CTNNA2: variants seen among roughly 807,000 people sequenced by gnomAD.
CTNNA2 encodes catenin alpha-2.
A neutral mutation model predicts 101.0 loss-of-function variants in CTNNA2; 42 were observed. That is an observed-to-expected ratio of 0.42 (90% CI 0.32 to 0.54). The LOEUF is 0.54. Ranked by LOEUF, CTNNA2 falls within the 20% of genes least tolerant of loss-of-function variation. The probability of loss-of-function intolerance (pLI) is 0.14; values close to 1 mark genes in which losing one functional copy is unlikely to be tolerated. For synonymous variants in CTNNA2, 450 were observed against 456.4 expected (o/e 0.99, Z 0.18); for missense variants, 871 against 1,223.1 (o/e 0.71, Z 4.29).
At chr2:80,549,388 G>T (rs549000481) in intron 11 of CTNNA2, among the ~76,000 whole-genome samples, 12 of 151,780 alleles carry the variant, frequency 7.9e-5, no homozygotes, top group Admixed American at 7.9e-4. Flanking sequence ...AAAATTCACC[G>T]TGAACTTTAT....
At position 79,771,778 on chromosome 2, in the gene CTNNA2, T is replaced by TA. The variant is rs143754698; in HGVS notation, c.298+27197dup. On this transcript the variant is annotated intron_variant, in intron 3 of 18. Transcript: ENST00000402739. ...GCTGCTTACCTCCTGCTGTGACCAGTACCAGTCCATGGCCTGGGGGTTGGG... is the reference window on the plus strand; with the variant it reads ...GCTGCTTACCTCCTGCTGTGACCAGTAACCAGTCCATGGCCTGGGGGTTGGG... 0.014 allele frequency among the ~76,000 whole-genome samples: 2,060 copies of TA among 152,282 alleles called. 119 individuals are homozygous for TA. In the East Asian group the frequency reaches 0.17, roughly 12 times the overall value.
intron 2 of CTNNA2, among the ~76,000 whole-genome samples, chr2:79,300,621 T>TA (rs1676086357): frequency 6.6e-6 from 1 of 152,146 alleles, no homozygotes; most frequent in South Asian, 2.1e-4. Flanking sequence ...CCCAACCACC[T>TA]AAAACCTGAA....
intron 7 of CTNNA2, among the ~76,000 whole-genome samples, chr2:80,038,275 G>A (rs1470220719): frequency 2.6e-5 from 4 of 152,230 alleles, no homozygotes; most frequent in African/African-American, 9.6e-5. Flanking sequence ...TTGTCAGAAG[G>A]AAGATAGAAA....
At chr2:79,882,018 C>G (rs1181835228) in intron 6 of CTNNA2, among the ~76,000 whole-genome samples, 1 of 151,706 alleles carries the variant, frequency 6.6e-6, no homozygotes, top group Non-Finnish European at 1.5e-5. Flanking sequence ...CAAAATCTCT[C>G]AGCATTTGCT....
chr2:79,678,487 A>T (rs377236626), intron 2 of CTNNA2, among the ~76,000 whole-genome samples: 1 of 151,388 alleles, frequency 6.6e-6, no homozygotes, highest in South Asian at 2.1e-4. Flanking sequence ...GTTAGCCAAG[A>T]TCACACCACT....
intron 7 of CTNNA2, among the ~76,000 whole-genome samples, chr2:80,334,838 G>A (rs1159902085): frequency 6.6e-6 from 1 of 152,192 alleles, no homozygotes; most frequent in Non-Finnish European, 1.5e-5. Flanking sequence ...GGGAGTTGCA[G>A]GGACATGAGA....
chr2:79,401,440 A>T (rs1019781026), intron 4 of CTNNA2, among the ~76,000 whole-genome samples: 1 of 151,766 alleles, frequency 6.6e-6, no homozygotes, highest in Non-Finnish European at 1.5e-5. Flanking sequence ...ATAAAGATGT[A>T]TTTTGGATGC....
chr2:79,963,386 A>C (rs1689799100), intron 7 of CTNNA2, among the ~76,000 whole-genome samples: 1 of 152,224 alleles, frequency 6.6e-6, no homozygotes. Context: ...TTCTTGCAGC[A>C]AAGGTTCCTA....
At chr2:79,631,342 T>C (rs1234624541) in intron 1 of CTNNA2, among the ~76,000 whole-genome samples, 1 of 152,184 alleles carries the variant, frequency 6.6e-6, no homozygotes, top group East Asian at 1.9e-4. Flanking sequence ...CTGAGGAATA[T>C]TTTACACTCA....
chr2:80,153,349 A>G (rs924459229), intron 7 of CTNNA2, among the ~76,000 whole-genome samples: 1 of 152,188 alleles, frequency 6.6e-6, no homozygotes, highest in Middle Eastern at 3.2e-3. Context: ...TTCAGAGCTA[A>G]GAAAGAAGAT....
intron 1 of CTNNA2, among the ~76,000 whole-genome samples, chr2:79,625,110 T>C (rs1679224057): frequency 6.6e-6 from 1 of 152,130 alleles, no homozygotes; most frequent in African/African-American, 2.4e-5. Context: ...GATTTTTCCA[T>C]AATTTTTTGA....
At chr2:79,275,686 T>TA (rs1207808377) in intron 2 of CTNNA2, among the ~76,000 whole-genome samples, 114 of 152,224 alleles carry the variant, frequency 7.5e-4, no homozygotes, top group African/African-American at 2.5e-3. Flanking sequence ...CAAGGTTTCA[T>TA]TTGTTGTTTA....
Position 79,786,108 on chromosome 2 carries a change from A to G in CTNNA2, c.298+41526A>G, listed in dbSNP as rs62140154. 8.5e-3 allele frequency among the ~76,000 whole-genome samples: 1,288 copies of G among 152,256 alleles called. 7 individuals are homozygous for G. The highest frequency in any genetic ancestry group is 0.017 in the Middle Eastern group (5 of 294). On this transcript the variant is annotated intron_variant, in intron 3 of 18. Coordinates refer to ENST00000402739, the MANE Select transcript of CTNNA2 (RefSeq NM_001282597.3). ...CTTATCCCATTTCCCATGTTGAAAT[A>G]TGAAAATGTTTGAAAAACACTAACA...
intron 7 of CTNNA2, among the ~76,000 whole-genome samples, chr2:80,276,186 G>T (rs1287863136): frequency 6.6e-6 from 1 of 152,140 alleles, no homozygotes; most frequent in Admixed American, 6.5e-5. Context: ...CATTCCATAT[G>T]AACTGGATAT....
intron 9 of CTNNA2, among the ~76,000 whole-genome samples, chr2:80,446,171 A>C (rs1683056074): frequency 6.6e-6 from 1 of 152,192 alleles, no homozygotes; most frequent in Admixed American, 6.5e-5. Context: ...TTCTTAATGC[A>C]CTTAGCACAG....
chr2:79,610,073 C>G (rs186992067), intron 1 of CTNNA2, among the ~76,000 whole-genome samples: 9 of 151,812 alleles, frequency 5.9e-5, no homozygotes, highest in Middle Eastern at 3.4e-3. Context: ...CTCTTAAAAT[C>G]AATAAGAAAA....
chr2:79,702,041 A>G (rs555923475), intron 2 of CTNNA2, among the ~76,000 whole-genome samples: 4 of 148,334 alleles, frequency 2.7e-5, no homozygotes, highest in African/African-American at 7.4e-5. Context: ...TGGAAAGAGT[A>G]TTGCAAGAGA....
chr2:79,340,171 G>T (rs918273628), intron 3 of CTNNA2: 1 of 152,136 alleles, frequency 6.6e-6, no homozygotes, highest in Admixed American at 6.5e-5. Context: ...AGAGGATGCT[G>T]TTTATCATGA....
chr2:80,474,246 A>G lies in CTNNA2; in HGVS notation c.1290+54645A>G, dbSNP rs190862532. On this transcript the variant is annotated intron_variant, in intron 9 of 18. Transcript: ENST00000402739. ...ATATTTTTTGTGGAAACACTATTCA[A>G]ACAGACTGCAGACACCAAGTGACAT... 3.7e-4 allele frequency among the ~76,000 whole-genome samples: 57 copies of G among 152,328 alleles called. No individual in the cohort carries two copies. In the East Asian group the frequency reaches 9.3e-3, roughly 25 times the overall value.
Sources: gnomAD v4.1 joint callset for allele counts (sites outside exome capture counted in the v4.1 genomes callset) on GRCh38, gnomAD v4.1.1 for gene constraint, MANE v1.5 for transcripts, NCBI Gene and HGNC (gene_info 2026-07-23, HGNC 2026-07-21) for gene names.